ECT2L: variants seen among roughly 807,000 people sequenced by gnomAD.
The protein encoded by ECT2L is epithelial cell-transforming sequence 2 oncogene-like.
A neutral mutation model predicts 122.8 loss-of-function variants in ECT2L; 126 were observed. The ratio of observed to expected loss-of-function variants is 1.03; its 90% confidence interval spans 0.89 to 1.19. The LOEUF is 1.19. Among genes scored for constraint, ECT2L ranks in the 50% most tolerant of loss-of-function variants. ECT2L has a pLI of 0.00. For synonymous variants in ECT2L, 385 were observed against 381.8 expected (o/e 1.01, Z -0.10); for missense variants, 1,012 against 1,064.1 (o/e 0.95, Z 0.68).
chr6:138,869,425 G>A (rs904802380), intron 13 of ECT2L, among the ~76,000 whole-genome samples: 3 of 152,052 alleles, frequency 2.0e-5, no homozygotes, highest in African/African-American at 7.2e-5. Flanking sequence ...TGGCTTCCTG[G>A]GTCTGCACCA....
chr6:138,838,930 T>C (rs7751652), intron 5 of ECT2L, among the ~76,000 whole-genome samples: 131,982 of 152,106 alleles, frequency 0.87, 57,734 homozygotes, highest in East Asian at 1. Flanking sequence ...TACAGGCGCG[T>C]GCCACCACGC....
chr6:138,809,658 ATATT>A (rs1775825949), intron 1 of ECT2L, among the ~76,000 whole-genome samples: 1 of 152,082 alleles, frequency 6.6e-6, no homozygotes, highest in African/African-American at 2.4e-5. Flanking sequence ...TTATGCATCT[ATATT>A]TATGGTAATA....
intron 4 of ECT2L, among the ~76,000 whole-genome samples, chr6:138,816,336 C>CT (rs1419591206): frequency 6.6e-6 from 1 of 152,028 alleles, no homozygotes; most frequent in Non-Finnish European, 1.5e-5. Flanking sequence ...TAACTGAATT[C>CT]TTTTTTCTGT....
chr6:138,839,330 G>T (rs1776959884), intron 5 of ECT2L, among the ~76,000 whole-genome samples: 1 of 150,344 alleles, frequency 6.7e-6, no homozygotes, highest in African/African-American at 2.5e-5. Flanking sequence ...TCATTTTCTT[G>T]TAAAATATTT....
Position 138,824,831 on chromosome 6 carries a change from T to C in ECT2L, c.179+10228T>C, listed in dbSNP as rs184797542. Among the ~76,000 whole-genome samples, 23 of 152,248 alleles carry C rather than the reference T, an allele frequency of 1.5e-4. 1 individual carries two copies. The highest frequency in any genetic ancestry group is 5.5e-4 in the African/African-American group (23 of 41,542). ...CTGGTTGCCTGTGTTGTTGCCAAAA[T>C]AGCTTTCACCAGCCACAGGACTCTA... On this transcript the variant is annotated intron_variant, in intron 4 of 21. Coordinates refer to ENST00000541398, the MANE Select transcript of ECT2L (RefSeq NM_001077706.3).
intron 1 of ECT2L, among the ~76,000 whole-genome samples, chr6:138,800,343 A>G (rs1214236487): frequency 3.9e-5 from 6 of 152,238 alleles, no homozygotes; most frequent in Non-Finnish European, 4.4e-5. Context: ...TAGCTTCTGT[A>G]GAAAAGACAC....
At chr6:138,898,175 C>A (rs1779279208) in intron 20 of ECT2L, among the ~76,000 whole-genome samples, 1 of 152,208 alleles carries the variant, frequency 6.6e-6, no homozygotes, top group Admixed American at 6.5e-5. Context: ...TTAAAATGCA[C>A]CTCCTGCCTT....
chr6:138,813,177 C>A lies in ECT2L; in HGVS notation c.-98C>A. 1 of 758,054 alleles carries A rather than the reference C, an allele frequency of 1.3e-6. No homozygotes were observed. The highest frequency in any genetic ancestry group is 2.2e-6 in the Non-Finnish European group (1 of 451,780). The allele number at this position is 758,054 out of a possible 1,614,324, so 47.0% of individuals were successfully genotyped here. A position where few individuals can be genotyped will look rare whatever the true frequency, so the allele number is the denominator to read the frequency against. On this transcript the variant is annotated 5_prime_UTR_variant, in exon 3 of 22. Coordinates refer to ENST00000541398, the MANE Select transcript of ECT2L (RefSeq NM_001077706.3). ...AACATATTGGTTATTTCTAGGTGAT[C>A]TTAATTGCACACCTATTGAAATAAA...
In ECT2L at chr6:138,888,985, G is replaced by A. The variant is rs1351959628; in HGVS notation, c.2368G>A (p.Val790Ile). Residue 790 changes from valine to isoleucine, a missense_variant, in exon 20 of 22, where the codon GTA (valine) becomes ATA (isoleucine). Transcript: ENST00000541398. ...VNRYLIRVQD[V>I]AQLHCCDEEI... ...CAGATATCTGATTAGGGTACAAGAT[G>A]TAGCCCAACTTCATTGCTGTGATGA... 2 of 1,552,142 alleles carry A rather than the reference G, an allele frequency of 1.3e-6. No individual in the cohort carries two copies. Among genetic ancestry groups the A allele is most frequent in the Non-Finnish European group, 1.7e-6 (2 of 1,143,486 alleles).
intron 13 of ECT2L, among the ~76,000 whole-genome samples, chr6:138,872,252 G>A (rs1778282943): frequency 6.6e-6 from 1 of 152,192 alleles, no homozygotes; most frequent in African/African-American, 2.4e-5. Flanking sequence ...AACTTCTCAG[G>A]CAGAGGGCAA....
At chr6:138,878,501 C>T (rs753030214) in intron 14 of ECT2L, among the ~76,000 whole-genome samples, 14 of 152,166 alleles carry the variant, frequency 9.2e-5, no homozygotes, top group South Asian at 8.3e-4. Context: ...GGCTGGAGTG[C>T]GGTGGCATGA....
At chr6:138,876,440 C>T (rs367935105) in intron 13 of ECT2L, 32 bp from the exon 14 acceptor site, 20 of 1,517,638 alleles carry the variant, frequency 1.3e-5, no homozygotes, top group Middle Eastern at 1.7e-4. Context: ...CAAGACCTGC[C>T]TCCAATAACC....
Position 138,902,799 on chromosome 6 carries a change from C to A in ECT2L, c.*172C>A. On this transcript the variant is annotated 3_prime_UTR_variant, in exon 22 of 22. Transcript: ENST00000541398. ...TTTTAAACTTTATCACTTGTGCTCACTTATGTAGAATGTATAAGTACATTT... is the reference window on the plus strand; with the variant it reads ...TTTTAAACTTTATCACTTGTGCTCAATTATGTAGAATGTATAAGTACATTT... 2.7e-6 allele frequency: 2 copies of A among 745,200 alleles called. No homozygotes were observed. The highest frequency in any genetic ancestry group is 2.1e-6 in the Non-Finnish European group (1 of 475,074). The allele number at this position is 745,200 out of a possible 1,614,324, so 46.2% of individuals were successfully genotyped here.
rs1583554418 is a variant in ECT2L at position 138,819,525 on chromosome 6, CAA to C, written c.179+4924_179+4925del. Among the ~76,000 whole-genome samples the C allele has an allele frequency of 2.1e-5, 3 of 145,242 alleles. No homozygotes were observed. In the South Asian group the frequency reaches 6.3e-4, roughly 31 times the overall value. On this transcript the variant is annotated intron_variant, in intron 4 of 21. Coordinates refer to ENST00000541398, the MANE Select transcript of ECT2L (RefSeq NM_001077706.3). ...CATTAGAATGATGGCTCCATGATAG[CAA>C]AGACTTTGGTGACTCTTTTCATCTC...
intron 9 of ECT2L, among the ~76,000 whole-genome samples, chr6:138,852,024 A>C (rs554794684): frequency 4.5e-4 from 69 of 152,318 alleles, no homozygotes; most frequent in African/African-American, 1.6e-3. Context: ...CATACCTGTA[A>C]TCCTGGCACT....
intron 5 of ECT2L, among the ~76,000 whole-genome samples, chr6:138,841,387 G>A (rs961495583): frequency 6.6e-6 from 1 of 152,164 alleles, no homozygotes; most frequent in Non-Finnish European, 1.5e-5. Flanking sequence ...TTTTGCTTCT[G>A]GCACGTCTAG....
At chr6:138,820,926 G>A (rs1776247175) in intron 4 of ECT2L, among the ~76,000 whole-genome samples, 1 of 152,222 alleles carries the variant, frequency 6.6e-6, no homozygotes. Context: ...TGGAGTTTGT[G>A]AAACAGATAA....
intron 5 of ECT2L, among the ~76,000 whole-genome samples, chr6:138,842,581 C>T (rs1777078081): frequency 6.6e-6 from 1 of 152,102 alleles, no homozygotes; most frequent in Non-Finnish European, 1.5e-5. Flanking sequence ...ACCATCCTGG[C>T]TAACACGGTG....
intron 14 of ECT2L, chr6:138,879,142 G>T: frequency 4.5e-6 from 1 of 221,502 alleles, no homozygotes; most frequent in South Asian, 6.1e-5. Context: ...TTGGCCATCT[G>T]ACAAATTGGA....
Sources: gnomAD v4.1 joint callset for allele counts (sites outside exome capture counted in the v4.1 genomes callset) on GRCh38, gnomAD v4.1.1 for gene constraint, MANE v1.5 for transcripts, NCBI Gene and HGNC (gene_info 2026-07-23, HGNC 2026-07-21) for gene names.